Variants in MIA2 observed in about 807,000 individuals in gnomAD.
MIA2 encodes MIA SH3 domain ER export factor 2, also known as melanoma inhibitory activity protein 2.
MIA2 carries 127 observed loss-of-function variants against 167.8 expected under a neutral mutation model. The observed-to-expected ratio is 0.76, with a 90% CI of 0.66 to 0.88. The LOEUF is 0.88. Among genes scored for constraint, MIA2 ranks in the 40% least tolerant of loss-of-function variants. The pLI, the probability that MIA2 is intolerant of heterozygous loss-of-function variation, is 0.00. For synonymous variants in MIA2, 552 were observed against 541.9 expected (o/e 1.02, Z -0.26); for missense variants, 1,690 against 1,624.7 (o/e 1.04, Z -0.69).
intron 6 of MIA2, among the ~76,000 whole-genome samples, chr14:39,270,003 C>T (rs2056838339): frequency 6.6e-6 from 1 of 152,086 alleles, no homozygotes; most frequent in African/African-American, 2.4e-5. Flanking sequence ...ATCGCTGAGT[C>T]ATATTTACCA....
intron 6 of MIA2, among the ~76,000 whole-genome samples, chr14:39,270,342 T>G (rs576173255): frequency 6.6e-6 from 1 of 151,174 alleles, no homozygotes; most frequent in Non-Finnish European, 1.5e-5. Context: ...GCTGGGACTA[T>G]AGGCACTAAC....
At chr14:39,344,789 T>C (rs986471830) in intron 25 of MIA2, among the ~76,000 whole-genome samples, 3 of 152,210 alleles carry the variant, frequency 2.0e-5, no homozygotes, top group African/African-American at 7.2e-5. Context: ...GCATGCCTAA[T>C]CTAGCAGTCT....
At chr14:39,267,114 C>G (rs757794583) in intron 6 of MIA2, 10 of 1,128,584 alleles carry the variant, frequency 8.9e-6, no homozygotes, top group Non-Finnish European at 1.1e-5. Flanking sequence ...GGGAAGTTTG[C>G]GGCTGTCCGC....
At chr14:39,320,110 T>C (rs920135085) in intron 23 of MIA2, among the ~76,000 whole-genome samples, 4 of 152,138 alleles carry the variant, frequency 2.6e-5, no homozygotes, top group African/African-American at 9.7e-5. Flanking sequence ...AGGATTTTTT[T>C]TTGTCTGAAT....
At chr14:39,384,099 A>G (rs528919843) in intron 23 of MIA2, among the ~76,000 whole-genome samples, 36 of 152,238 alleles carry the variant, frequency 2.4e-4, no homozygotes, top group Non-Finnish European at 4.4e-4. Flanking sequence ...TTTGATAGCT[A>G]GAGAGAAGTC....
chr14:39,335,597 A>C (rs1375650912), intron 25 of MIA2, among the ~76,000 whole-genome samples: 1 of 152,220 alleles, frequency 6.6e-6, no homozygotes, highest in African/African-American at 2.4e-5. Context: ...TCTTTTAAAA[A>C]ATATTTTAAT....
intron 23 of MIA2, among the ~76,000 whole-genome samples, chr14:39,382,988 T>C (rs2075200171): frequency 7.5e-6 from 1 of 133,928 alleles, no homozygotes; most frequent in Non-Finnish European, 1.6e-5. Context: ...GTAAGAGATA[T>C]AACTTTTGTT....
chr14:39,375,470 C>T (rs534217525), intron 23 of MIA2, among the ~76,000 whole-genome samples: 12 of 152,194 alleles, frequency 7.9e-5, no homozygotes, highest in South Asian at 4.2e-4. Flanking sequence ...ACGAGGCAGA[C>T]GGATTGCCTG....
rs554713483 is a variant in MIA2 at position 39,272,762 on chromosome 14, C to T, written c.1888-4172C>T. On this transcript the variant is annotated intron_variant, in intron 6 of 28. Coordinates refer to ENST00000640607, the MANE Select transcript of MIA2 (RefSeq NM_001329214.4). ...TGGGTGACAGACTCAGTCCCTGTTT[C>T]AAACAAAGAAGTCTTCCAGCCCATG... is the stretch of plus-strand genomic sequence containing the variant. Among the ~76,000 whole-genome samples, 5 of 152,292 alleles carry T rather than the reference C, an allele frequency of 3.3e-5. No homozygotes were observed. The South Asian group carries it at 8.3e-4, about 25-fold the overall frequency.
Position 39,247,743 on chromosome 14 carries a change from C to T in MIA2, c.1169C>T (p.Ala390Val). 1 of 1,613,204 alleles carries T rather than the reference C, an allele frequency of 6.2e-7. No homozygotes were observed. Among genetic ancestry groups the T allele is most frequent in the Non-Finnish European group, 8.5e-7 (1 of 1,179,858 alleles). The change falls in exon 4 of 29, where the codon GCC becomes GTC. Residue 390 changes from alanine (A) to valine (V), a missense_variant. Coordinates refer to ENST00000640607, the MANE Select transcript of MIA2 (RefSeq NM_001329214.4). The stretch of plus-strand genomic sequence containing the variant: ...TTTGCTATACTAGGCTTTGCATATG[C>T]CAAGGAAGATAAAATTATGTTAGAT... Reference protein sequence around the residue: ...FGFAILGFAYAKEDKIMLDDR... With the variant: ...FGFAILGFAYVKEDKIMLDDR...
chr14:39,259,590 G>A (rs1027532807), intron 6 of MIA2, among the ~76,000 whole-genome samples: 1 of 151,546 alleles, frequency 6.6e-6, no homozygotes, highest in African/African-American at 2.4e-5. Flanking sequence ...GAGTACAGTG[G>A]CCCTATCACA....
At chr14:39,347,560 A>G in intron 26 of MIA2, 153 bp from the exon 27 acceptor site, 1 of 666,420 alleles carries the variant, frequency 1.5e-6, no homozygotes, top group East Asian at 3.0e-5. Flanking sequence ...AGGGACCTCA[A>G]GCTGTTCTTG....
chr14:39,374,846 C>T (rs1230953590), intron 23 of MIA2, among the ~76,000 whole-genome samples: 2 of 152,158 alleles, frequency 1.3e-5, no homozygotes, highest in African/African-American at 2.4e-5. Flanking sequence ...TCATATTTTT[C>T]AAAACAATCC....
intron 6 of MIA2, among the ~76,000 whole-genome samples, chr14:39,269,926 A>G (rs140520537): frequency 1.2e-3 from 177 of 152,328 alleles, no homozygotes; most frequent in African/African-American, 4.1e-3. Flanking sequence ...GCTATTATGA[A>G]TAATGCTGCT....
chr14:39,238,922 T>C (rs2053918838), intron 2 of MIA2, among the ~76,000 whole-genome samples: 2 of 151,462 alleles, frequency 1.3e-5, no homozygotes, highest in Non-Finnish European at 2.9e-5. Context: ...CATGGGAAAA[T>C]TAATGATTAA....
intron 7 of MIA2, among the ~76,000 whole-genome samples, chr14:39,277,694 A>ATATATATATATATATATATATGTGTGTG (rs2058260226): frequency 5.2e-4 from 4 of 7,754 alleles, no homozygotes; most frequent in East Asian, 0.026. Flanking sequence ...ATATGTGTGT[A>ATATATATATATATATATATATGTGTGTG]TATATATATA....
intron 23 of MIA2, among the ~76,000 whole-genome samples, chr14:39,365,332 G>A (rs145023278): frequency 2.0e-5 from 3 of 152,168 alleles, no homozygotes; most frequent in African/African-American, 7.2e-5. Context: ...TCTCAAAGTG[G>A]TACAGGCATG....
intron 6 of MIA2, among the ~76,000 whole-genome samples, chr14:39,260,169 G>A (rs1011705052): frequency 7.2e-5 from 11 of 152,174 alleles, no homozygotes; most frequent in African/African-American, 1.7e-4. Context: ...GTAAACATAC[G>A]TGTGCATGTG....
At chr14:39,342,637 G>A (rs145127248) in intron 25 of MIA2, among the ~76,000 whole-genome samples, 183 of 152,256 alleles carry the variant, frequency 1.2e-3, no homozygotes, top group African/African-American at 4.0e-3. Flanking sequence ...GCACAATCCT[G>A]GATATCACCC....
Sources: allele counts gnomAD v4.1 joint callset (sites outside exome capture counted in the v4.1 genomes callset), GRCh38; gene constraint gnomAD v4.1.1; transcripts MANE v1.5; gene names NCBI Gene and HGNC (gene_info 2026-07-23, HGNC 2026-07-21).